The following PAPPA variants were observed in gnomAD, a reference collection of about 807,000 sequenced individuals.
The protein encoded by PAPPA is pappalysin-1.
PAPPA carries 60 observed loss-of-function variants against 164.0 expected under a neutral mutation model. The ratio of observed to expected loss-of-function variants is 0.37; its 90% CI spans 0.30 to 0.45. PAPPA has a LOEUF of 0.45. Ranked by LOEUF, PAPPA falls within the 20% of genes least tolerant of loss-of-function variation. The probability of loss-of-function intolerance (pLI) is 1.00; values close to 1 mark genes in which losing one functional copy is unlikely to be tolerated. For missense variants in PAPPA, 1,782 were observed against 2,087.3 expected (o/e 0.85, Z 2.85); for synonymous variants, 875 against 814.1 (o/e 1.07, Z -1.27).
intron 19 of PAPPA, among the ~76,000 whole-genome samples, chr9:116,369,865 C>T (rs1409020712): frequency 6.6e-6 from 1 of 151,828 alleles, no homozygotes; most frequent in Non-Finnish European, 1.5e-5. Context: ...AGGTTCAGAC[C>T]TCCACTGGTC....
At chr9:116,155,502 A>G (rs960271178) in intron 1 of PAPPA, among the ~76,000 whole-genome samples, 1 of 152,188 alleles carries the variant, frequency 6.6e-6, no homozygotes, top group Non-Finnish European at 1.5e-5. Context: ...AGAGAGGAGG[A>G]AAGTTTTGCC....
chr9:116,171,757 G>A (rs1843778399), intron 1 of PAPPA, among the ~76,000 whole-genome samples: 1 of 152,130 alleles, frequency 6.6e-6, no homozygotes, highest in African/African-American at 2.4e-5. Context: ...CCATGGGGAG[G>A]CTGAACTGGA....
chr9:116,220,610 C>T (rs182280108), intron 5 of PAPPA, among the ~76,000 whole-genome samples: 11 of 151,408 alleles, frequency 7.3e-5, no homozygotes, highest in African/African-American at 1.9e-4. Context: ...TATACAAGGC[C>T]GGGCATGGTG....
intron 1 of PAPPA, among the ~76,000 whole-genome samples, chr9:116,158,257 T>G (rs1843626340): frequency 6.6e-6 from 1 of 151,980 alleles, no homozygotes; most frequent in Non-Finnish European, 1.5e-5. Context: ...CACCCAACCC[T>G]CAAAAAAGAG....
At chr9:116,192,191 G>T (rs1466024513) in intron 2 of PAPPA, among the ~76,000 whole-genome samples, 3 of 152,148 alleles carry the variant, frequency 2.0e-5, no homozygotes, top group Non-Finnish European at 4.4e-5. Flanking sequence ...GCAATCCATA[G>T]ATAGCCAGCC....
chr9:116,172,438 C>T (rs578198837), intron 1 of PAPPA, among the ~76,000 whole-genome samples: 15 of 152,276 alleles, frequency 9.9e-5, no homozygotes, highest in South Asian at 2.1e-4. Flanking sequence ...TTGACAGCAT[C>T]CCTGGCCTCT....
At chr9:116,169,609 C>T (rs753410188) in intron 1 of PAPPA, among the ~76,000 whole-genome samples, 14 of 151,680 alleles carry the variant, frequency 9.2e-5, no homozygotes, top group African/African-American at 1.9e-4. Flanking sequence ...CATGAGCCAC[C>T]GCACCTAACC....
Position 116,154,548 on chromosome 9 carries a change from C to G in PAPPA, c.376C>G (p.Arg126Gly). ...CGCGTTCACGCTGCAAGTGTGGCTG[C>G]GAGCGGAGGGGGGCCAGAGGTCTCC... ...RDAFTLQVWL[R>G]AEGGQRSPAV... The change falls in exon 1 of 22, where the codon CGA (arginine) becomes GGA (glycine). Residue 126 changes from arginine to glycine, a missense_variant. This residue lies in a region of PAPPA where 458 missense variants were observed against 430.3 expected (regional missense o/e 1.06). Coordinates refer to ENST00000328252, the MANE Select transcript of PAPPA (RefSeq NM_002581.5). The surrounding 1 kb of genome is among the most constrained non-coding windows in gnomAD (Gnocchi z 5.2). The G allele has an allele frequency of 7.1e-7, 1 of 1,405,002 alleles. No individual in the cohort carries two copies. The highest frequency in any genetic ancestry group is 9.3e-7 in the Non-Finnish European group (1 of 1,077,290). 87.0% of individuals were successfully genotyped at this position (1,405,002 alleles called of 1,614,324 possible).
At chr9:116,293,248 T>C (rs371822496) in intron 9 of PAPPA, among the ~76,000 whole-genome samples, 5 of 152,218 alleles carry the variant, frequency 3.3e-5, no homozygotes, top group Admixed American at 2.6e-4. Flanking sequence ...TATAACAGAA[T>C]GAAAGGAGGT....
chr9:116,158,470 T>TGGGC (rs1310603469), intron 1 of PAPPA, among the ~76,000 whole-genome samples: 1 of 152,180 alleles, frequency 6.6e-6, no homozygotes, highest in Non-Finnish European at 1.5e-5. Flanking sequence ...TGTGTGACCT[T>TGGGC]GGGCAAGCAA....
intron 6 of PAPPA, among the ~76,000 whole-genome samples, chr9:116,230,855 T>C (rs939113240): frequency 3.3e-5 from 5 of 152,190 alleles, no homozygotes; most frequent in Non-Finnish European, 5.9e-5. Flanking sequence ...TCTGACTGAC[T>C]CAAATCCCAG....
chr9:116,376,823 G>A (rs1846659852), intron 19 of PAPPA, among the ~76,000 whole-genome samples: 1 of 152,122 alleles, frequency 6.6e-6, no homozygotes, highest in South Asian at 2.1e-4. Flanking sequence ...AATTCACTGT[G>A]GGCAACCTCA....
At chr9:116,202,305 A>G (rs1844180436) in intron 2 of PAPPA, among the ~76,000 whole-genome samples, 1 of 152,140 alleles carries the variant, frequency 6.6e-6, no homozygotes, top group Admixed American at 6.5e-5. Flanking sequence ...AGATTATTAC[A>G]GAGTTGTGCC....
At chr9:116,353,564 G>A (rs1432058685) in intron 16 of PAPPA, 58 bp from the exon 17 acceptor site, 5 of 1,486,114 alleles carry the variant, frequency 3.4e-6, no homozygotes, top group Non-Finnish European at 4.6e-6. Flanking sequence ...GTTCATGCAG[G>A]GCATGGATCT....
chr9:116,307,871 A>T (rs1156566011), intron 10 of PAPPA, among the ~76,000 whole-genome samples: 1 of 152,168 alleles, frequency 6.6e-6, no homozygotes, highest in Non-Finnish European at 1.5e-5. Flanking sequence ...AATGAGAATG[A>T]TAACATCTAC....
intron 10 of PAPPA, among the ~76,000 whole-genome samples, chr9:116,309,229 C>T (rs1845685268): frequency 6.6e-6 from 1 of 152,150 alleles, no homozygotes; most frequent in African/African-American, 2.4e-5. Context: ...GCCTATGCCA[C>T]TATGCCCAGC....
At chr9:116,329,510 CT>C (rs1333845828) in intron 10 of PAPPA, among the ~76,000 whole-genome samples, 5 of 152,038 alleles carry the variant, frequency 3.3e-5, no homozygotes, top group African/African-American at 4.8e-5. Flanking sequence ...GATTGAGGTC[CT>C]TTTTTTTCCT....
chr9:116,322,445 C>T (rs1200674237), intron 10 of PAPPA, among the ~76,000 whole-genome samples: 1 of 151,540 alleles, frequency 6.6e-6, no homozygotes, highest in Non-Finnish European at 1.5e-5. Flanking sequence ...AGCTGGTGCC[C>T]TCTCTCACTC....
At chr9:116,388,025 G>A (rs985470034) in intron 21 of PAPPA, among the ~76,000 whole-genome samples, 11 of 152,084 alleles carry the variant, frequency 7.2e-5, no homozygotes, top group Non-Finnish European at 2.9e-5. Flanking sequence ...TAGGGCCTCC[G>A]TGATGCCTTG....
Sources: allele counts gnomAD v4.1 joint callset (sites outside exome capture counted in the v4.1 genomes callset), GRCh38; gene constraint gnomAD v4.1.1; regional missense constraint gnomAD v4.1.1; non-coding constraint Gnocchi (gnomAD v3.1); transcripts MANE v1.5; gene names NCBI Gene and HGNC (gene_info 2026-07-23, HGNC 2026-07-21).